The following PIH1D1 variants were observed in gnomAD, a reference collection of about 807,000 sequenced individuals.
The protein encoded by PIH1D1 is PIH1 domain-containing protein 1.
In PIH1D1, 28 loss-of-function variants were observed where a neutral mutation model predicts 38.5. That is an observed-to-expected ratio of 0.73 (90% CI 0.54 to 1.00). The LOEUF is 1.00. PIH1D1 is among the 50% of genes least tolerant of loss of function. PIH1D1 has a pLI of 0.00. For synonymous variants in PIH1D1, 155 were observed against 153.5 expected (o/e 1.01, Z -0.07); for missense variants, 343 against 369.9 (o/e 0.93, Z 0.60).
At chr19:49,449,013 G>A (rs1027754303) in intron 3 of PIH1D1, 1 of 319,746 alleles carries the variant, frequency 3.1e-6, no homozygotes, top group Non-Finnish European at 6.2e-6. Context: ...CCAACGTGGC[G>A]AAACCCCGTC....
rs771191152 is a variant in PIH1D1 at position 49,447,068 on chromosome 19, C to G, written c.643G>C (p.Glu215Gln). 6.2e-7 allele frequency: 1 copy of G among 1,613,618 alleles called. No individual in the cohort carries two copies. The highest frequency in any genetic ancestry group is 8.5e-7 in the Non-Finnish European group (1 of 1,179,848). Residue 215 changes from glutamate to glutamine, a missense_variant, in exon 7 of 9, where the codon GAA (glutamate) becomes CAA (glutamine). Transcript: ENST00000262265. ...TCGGCCAAGAGGAGGTCGGGGGCTT[C>G]CAGCCACAGGTTCAGGTGAGGCTTT... is the stretch of plus-strand genomic sequence containing the variant. Reference protein sequence around the residue: ...PEKPHLNLWLEAPDLLLAEVD... With the variant: ...PEKPHLNLWLQAPDLLLAEVD...
intron 2 of PIH1D1, 69 bp downstream of exon 2, chr19:49,450,713 C>G (rs889652606): frequency 4.2e-6 from 2 of 474,522 alleles, no homozygotes; most frequent in Non-Finnish European, 6.4e-6. Flanking sequence ...TTTCGTGTCT[C>G]TTTCCTTCCT....
At chr19:49,449,792 CTCTTTTTTT>C in intron 2 of PIH1D1, 138 bp from the exon 3 acceptor site, 2 of 549,776 alleles carry the variant, frequency 3.6e-6, no homozygotes, top group Non-Finnish European at 6.2e-6. Context: ...TCCCTCACTT[CTCTTTTTTT>C]TTTTTTTTTT....
Position 49,447,342 on chromosome 19 carries a change from A to G in PIH1D1, c.607T>C (p.Ser203Pro). The stretch of plus-strand genomic sequence containing the variant: ...GGGGATCTACCGAAGGCCCACCCTG[A>G]CTCAGCTCTCCCGGGGGCGGGCGTG... ...LYTPAPGRAE[S>P]GPEKPHLNLW... Residue 203 changes from serine to proline, a missense_variant, in exon 6 of 9, where the codon TCA becomes CCA. Physicochemically the swap from Ser to Pro is moderately conservative, Grantham distance 74. Transcript: ENST00000262265. 1.2e-6 allele frequency: 2 copies of G among 1,613,542 alleles called. No individual in the cohort carries two copies. Among genetic ancestry groups the G allele is most frequent in the Non-Finnish European group, 8.5e-7 (1 of 1,179,866 alleles).
rs753401251 is a variant in PIH1D1, at chr19:49,447,023, C to A, written c.687+1G>T. 6.2e-7 allele frequency: 1 copy of A among 1,612,684 alleles called. No individual in the cohort carries two copies. Among genetic ancestry groups the A allele is most frequent in the Non-Finnish European group, 8.5e-7 (1 of 1,178,946 alleles). ...GCTCTGGTCCAGCGCGCAAAACTCA[C>A]CAGTTTGGGGAGGTCAACTTCGGCC... is the stretch of plus-strand genomic sequence containing the variant. On this transcript the variant is annotated splice_donor_variant, in intron 7 of 8. Coordinates refer to ENST00000262265, the MANE Select transcript of PIH1D1 (RefSeq NM_017916.3). LOFTEE classifies it high-confidence loss of function.
At position 49,450,847 on chromosome 19, in the gene PIH1D1, G is replaced by A. The variant is rs758475519; in HGVS notation, c.92C>T (p.Ala31Val). 6.2e-7 allele frequency: 1 copy of A among 1,613,574 alleles called. No individual in the cohort carries two copies. The highest frequency in any genetic ancestry group is 8.5e-7 in the Non-Finnish European group (1 of 1,179,922). Residue 31 changes from alanine to valine, a missense_variant and splice_region_variant, in exon 2 of 9, where the codon GCC (alanine) becomes GTC (valine). Coordinates refer to ENST00000262265, the MANE Select transcript of PIH1D1 (RefSeq NM_017916.3). ...CTGGGCTTGCTGGAGCTCCTTCGAGGCCTGTATAAAGGAAAACTACCTCCA... is the reference window on the plus strand; with the variant it reads ...CTGGGCTTGCTGGAGCTCCTTCGAGACCTGTATAAAGGAAAACTACCTCCA... Reference protein sequence around the residue: ...SARFEELLLQASKELQQAQTT... With the variant: ...SARFEELLLQVSKELQQAQTT...
At position 49,446,572 on chromosome 19, in the gene PIH1D1, T is replaced by C. The variant is rs372869625; in HGVS notation, c.810A>G (p.Ala270=). Reference sequence around the variant, plus strand: ...GCACCTTTCTCTTCCGGTGGAAGGCTGCCTTGCTCTCATGAGAGTTGATCT... The same window carrying C: ...GCACCTTTCTCTTCCGGTGGAAGGCCGCCTTGCTCTCATGAGAGTTGATCT... ...PLQINSHESK[A]AFHRKRKQLM... The change falls in exon 8 of 9, where the codon GCA becomes GCG. Residue 270 remains alanine (A), a synonymous_variant. Coordinates refer to ENST00000262265, the MANE Select transcript of PIH1D1 (RefSeq NM_017916.3). 1.9e-5 allele frequency: 30 copies of C among 1,613,994 alleles called. No individual in the cohort carries two copies. The African/African-American group carries it at 3.6e-4, about 19-fold the overall frequency.
intron 3 of PIH1D1, chr19:49,449,240 C>T (rs1209505084): frequency 1.5e-6 from 1 of 671,690 alleles, no homozygotes; most frequent in East Asian, 2.9e-5. Flanking sequence ...TCTGCCCAGG[C>T]CTCCCGGCCC....
chr19:49,450,899 C>T, intron 1 of PIH1D1, 51 bp from the exon 2 acceptor site: 1 of 1,613,024 alleles, frequency 6.2e-7, no homozygotes, highest in Middle Eastern at 1.7e-4. Context: ...CATCAGACCC[C>T]TCATTTGTTC....
intron 2 of PIH1D1, 143 bp from the exon 3 acceptor site, chr19:49,449,797 T>C (rs1256651667): frequency 4.5e-4 from 18 of 39,922 alleles, no homozygotes; most frequent in East Asian, 1.9e-3. Context: ...CACTTCTCTT[T>C]TTTTTTTTTT....
chr19:49,451,377 C>G (rs1225781245), intron 1 of PIH1D1, 108 bp downstream of exon 1: 1 of 1,509,856 alleles, frequency 6.6e-7, no homozygotes, highest in Admixed American at 1.8e-5. Context: ...CCTCAATTCC[C>G]CGAGGCCTGG....
At position 49,446,638 on chromosome 19, in the gene PIH1D1, G is replaced by GC; in HGVS notation, c.743dup (p.Gln250ProfsTer18). 2 of 1,605,978 alleles carry GC rather than the reference G, an allele frequency of 1.2e-6. No homozygotes were observed. The highest frequency in any genetic ancestry group is 1.7e-6 in the Non-Finnish European group (2 of 1,175,762). ...CGTCTAGATGATACAGCTGCTGGGG[G>GC]CCCCCCATCACCAGGCGGTTCTCCC... On this transcript the variant is annotated frameshift_variant, in exon 8 of 9. Transcript: ENST00000262265. LOFTEE classifies it high-confidence loss of function.
At chr19:49,447,561 G>C in intron 5 of PIH1D1, 94 bp from the exon 6 acceptor site, 1 of 1,463,520 alleles carries the variant, frequency 6.8e-7, no homozygotes, top group Non-Finnish European at 9.3e-7. Flanking sequence ...CGGCTCACCA[G>C]GACTCTTGGG....
At chr19:49,450,535 C>T (rs1051111470) in intron 2 of PIH1D1, among the ~76,000 whole-genome samples, 2 of 152,166 alleles carry the variant, frequency 1.3e-5, no homozygotes, top group African/African-American at 4.8e-5. Flanking sequence ...TCTCCTGTCT[C>T]AGCCTCCCCA....
intron 5 of PIH1D1, 139 bp downstream of exon 5, chr19:49,447,688 A>AG: frequency 1.0e-6 from 1 of 999,664 alleles, no homozygotes; most frequent in South Asian, 1.4e-5. Flanking sequence ...CCGCCCCCTC[A>AG]GGGCGTCCAG....
rs530675515 is a variant in PIH1D1, at chr19:49,450,308, G to T, written c.157+474C>A. On this transcript the variant is annotated intron_variant, in intron 2 of 8. Transcript: ENST00000262265. ...AGGTCTCACTATGTTGCACAGGCTG[G>T]TCTTGAATGCCTGGCCTCAAGCAAT... Among the ~76,000 whole-genome samples the T allele has an allele frequency of 1.5e-3, 233 of 151,844 alleles. 1 individual carries two copies. Among genetic ancestry groups the T allele is most frequent in the African/African-American group, 5.4e-3 (225 of 41,384 alleles).
intron 2 of PIH1D1, among the ~76,000 whole-genome samples, 159 bp from the exon 3 acceptor site, chr19:49,449,813 G>A (rs903191234): frequency 1.2e-5 from 1 of 85,526 alleles, no homozygotes; most frequent in Non-Finnish European, 2.3e-5. Flanking sequence ...TTTTTTTTTT[G>A]AGACAGACTC....
chr19:49,448,821 G>C (rs1386138864), intron 3 of PIH1D1, among the ~76,000 whole-genome samples: 1 of 152,214 alleles, frequency 6.6e-6, no homozygotes, highest in African/African-American at 2.4e-5. Flanking sequence ...AAAGGATATA[G>C]AGGCAGAAAC....
chr19:49,449,773 C>T, intron 2 of PIH1D1, 119 bp from the exon 3 acceptor site: 1 of 732,928 alleles, frequency 1.4e-6, no homozygotes, highest in Non-Finnish European at 2.2e-6. Context: ...TTCCACTCCC[C>T]ACCCGAGATC....
Sources: allele counts gnomAD v4.1 joint callset (sites outside exome capture counted in the v4.1 genomes callset), GRCh38; gene constraint gnomAD v4.1.1; transcripts MANE v1.5; gene names NCBI Gene and HGNC (gene_info 2026-07-23, HGNC 2026-07-21).